SPTA1: variants seen among roughly 807,000 people sequenced by gnomAD.
SPTA1 encodes spectrin alpha chain, erythrocytic 1.
Under a neutral mutation model 324.7 loss-of-function variants are expected in SPTA1, and 177 were observed. The ratio of observed to expected loss-of-function variants is 0.55; its 90% CI spans 0.48 to 0.62. The LOEUF is 0.62. SPTA1 is among the 20% of genes least tolerant of loss of function. The pLI, the probability that SPTA1 is intolerant of heterozygous loss-of-function variation, is 0.00. For missense variants in SPTA1, 3,162 were observed against 2,883.6 expected (o/e 1.10, Z -2.21); for synonymous variants, 1,195 against 1,041.3 (o/e 1.15, Z -2.84).
chr1:158,611,102 C>T lies in SPTA1; in HGVS notation c.*162G>A. On this transcript the variant is annotated 3_prime_UTR_variant, in exon 52 of 52. Coordinates refer to ENST00000643759, the MANE Select transcript of SPTA1 (RefSeq NM_003126.4). ...ACCCTTGAGATTTTTTAAGATCCTA[C>T]AATAAATGTAATATGCACACAAACA... The T allele has an allele frequency of 4.2e-6, 4 of 944,800 alleles. No homozygotes were observed. The Admixed American group carries it at 6.6e-5, about 16-fold the overall frequency. The allele number at this position is 944,800 out of a possible 1,614,324, so 58.5% of individuals were successfully genotyped here. A position where few individuals can be genotyped will look rare whatever the true frequency, so the allele number is the denominator to read the frequency against.
intron 20 of SPTA1, 123 bp from the exon 21 acceptor site, chr1:158,654,871 C>G: frequency 2.3e-6 from 3 of 1,323,874 alleles, no homozygotes; most frequent in Non-Finnish European, 3.2e-6. Context: ...GAACCTCTTA[C>G]GTGGCTGCAG....
Position 158,615,356 on chromosome 1 carries a change from A to T in SPTA1, c.6648T>A (p.Ile2216=), listed in dbSNP as rs369112261. ...IQAMKRQLTK[I]VDLGDNLEDA... ...CTTCCAAGTTGTCCCCCAGGTCCAC[A>T]ATCTTGGTTAGTTGACGCTTCATCG... Residue 2216 remains isoleucine (I), a synonymous_variant, in exon 48 of 52, where the codon ATT becomes ATA. Coordinates refer to ENST00000643759, the MANE Select transcript of SPTA1 (RefSeq NM_003126.4). 35 of 1,614,084 alleles carry T rather than the reference A, an allele frequency of 2.2e-5. No individual in the cohort carries two copies. The African/African-American group carries it at 3.9e-4, about 18-fold the overall frequency.
chr1:158,614,247 A>G lies in SPTA1; in HGVS notation c.6842+6T>C. The G allele has an allele frequency of 6.4e-7, 1 of 1,573,714 alleles. No individual in the cohort carries two copies. The highest frequency in any genetic ancestry group is 8.7e-7 in the Non-Finnish European group (1 of 1,143,860). On this transcript the variant is annotated splice_donor_region_variant and intron_variant, in intron 49 of 51. Coordinates refer to ENST00000643759, the MANE Select transcript of SPTA1 (RefSeq NM_003126.4). ...AAGAAGCAGTTAACTATGAAATTATACTCACTTATAGATTGTGCTAAATTC... is the reference window on the plus strand; with the variant it reads ...AAGAAGCAGTTAACTATGAAATTATGCTCACTTATAGATTGTGCTAAATTC...
Position 158,645,343 on chromosome 1 carries a change from C to T in SPTA1, c.4039G>A (p.Ala1347Thr). ...AGTTCTGCACTGAAGTCCTCTAAGGCCTGGAAGGTGGGAGCCTCTGCCTCC... is the reference window on the plus strand; with the variant it reads ...AGTTCTGCACTGAAGTCCTCTAAGGTCTGGAAGGTGGGAGCCTCTGCCTCC... ...DMEAEAPTFQ[A>T]LEDFSAELID... is the part of the protein sequence containing the mutation. The change falls in exon 29 of 52, where the codon GCC becomes ACC. Residue 1347 changes from alanine (A) to threonine (T), a missense_variant. Transcript: ENST00000643759. The T allele has an allele frequency of 2.5e-6, 4 of 1,614,008 alleles. No individual in the cohort carries two copies. The highest frequency in any genetic ancestry group is 3.4e-6 in the Non-Finnish European group (4 of 1,179,956).
intron 21 of SPTA1, 96 bp from the exon 22 acceptor site, chr1:158,653,521 T>A (rs775680514): frequency 1.1e-4 from 173 of 1,545,300 alleles, no homozygotes; most frequent in Non-Finnish European, 1.5e-4. Context: ...CAGGCACAGG[T>A]TAATGGCAAA....
At chr1:158,619,397 T>C in intron 44 of SPTA1, 63 bp from the exon 45 acceptor site, 1 of 1,535,538 alleles carries the variant, frequency 6.5e-7, no homozygotes, top group Non-Finnish European at 9.0e-7. Context: ...CATAAGAGAA[T>C]TGGTTTGTAG....
intron 17 of SPTA1, among the ~76,000 whole-genome samples, chr1:158,662,008 C>T (rs2101890556): frequency 6.6e-6 from 1 of 152,310 alleles, no homozygotes; most frequent in Non-Finnish European, 1.5e-5. Flanking sequence ...GTATCCTAAC[C>T]ATGCTTTATC....
Position 158,644,234 on chromosome 1 carries a change from C to T in SPTA1, c.4338+19G>A, listed in dbSNP as rs780158894. The T allele has an allele frequency of 6.2e-7, 1 of 1,613,120 alleles. No homozygotes were observed. Among genetic ancestry groups the T allele is most frequent in the African/African-American group, 1.3e-5 (1 of 74,808 alleles). ...TTACTACGGATTATTATTTTAATTCCTTTACTAGTCATTATTACCTGGGCA... is the reference window on the plus strand; with the variant it reads ...TTACTACGGATTATTATTTTAATTCTTTTACTAGTCATTATTACCTGGGCA... On this transcript the variant is annotated intron_variant, in intron 30 of 51. Transcript: ENST00000643759.
Position 158,620,266 on chromosome 1 carries a change from C to G in SPTA1, c.6321G>C (p.Gln2107His). 1.2e-6 allele frequency: 2 copies of G among 1,614,144 alleles called. No homozygotes were observed. The highest frequency in any genetic ancestry group is 3.3e-4 in the Middle Eastern group (2 of 6,022). ...ADFKCLLELD[Q>H]QIKALGVPSS... ...AAGGCACACCTAAGGCCTTAATCTG[C>G]TGGTCTAGCTCCAGCAAACATTTAA... Residue 2107 changes from glutamine (Q) to histidine (H), a missense_variant, in exon 44 of 52, where the codon CAG becomes CAC. Gln to His is a conservative substitution (Grantham distance 24). Coordinates refer to ENST00000643759, the MANE Select transcript of SPTA1 (RefSeq NM_003126.4).
intron 43 of SPTA1, 143 bp downstream of exon 43, chr1:158,622,840 C>T (rs1367497657): frequency 1.2e-6 from 1 of 810,290 alleles, no homozygotes; most frequent in East Asian, 2.5e-5. Context: ...ACTTTTTGCT[C>T]AGTAAGAATG....
At position 158,685,158 on chromosome 1, in the gene SPTA1, T is replaced by C. The variant is rs770613744; in HGVS notation, c.214A>G (p.Lys72Glu). 4.3e-6 allele frequency: 7 copies of C among 1,613,766 alleles called. No individual in the cohort carries two copies. The highest frequency in any genetic ancestry group is 5.9e-6 in the Non-Finnish European group (7 of 1,179,840). Reference sequence around the variant, plus strand: ...CTCTTATCGGTTAAGATATTGACTTTCTCCATGATCCACTTCCCCAGATCA... The same window carrying C: ...CTCTTATCGGTTAAGATATTGACTTCCTCCATGATCCACTTCCCCAGATCA... ...ADDLGKWIMEKVNILTDKSYE... is the reference protein window; with the variant it reads ...ADDLGKWIMEEVNILTDKSYE... The change falls in exon 2 of 52, where the codon AAA (lysine) becomes GAA (glutamate). Residue 72 changes from lysine to glutamate, a missense_variant. Lys to Glu is a moderately conservative substitution (Grantham distance 56). Coordinates refer to ENST00000643759, the MANE Select transcript of SPTA1 (RefSeq NM_003126.4).
intron 39 of SPTA1, among the ~76,000 whole-genome samples, chr1:158,630,050 T>A (rs1320481993): frequency 1.3e-5 from 2 of 152,014 alleles, no homozygotes; most frequent in Non-Finnish European, 2.9e-5. Flanking sequence ...GAAGATTTAA[T>A]ATTGTTAAAA....
At chr1:158,673,022 T>G (rs1654137710) in intron 10 of SPTA1, among the ~76,000 whole-genome samples, 1 of 152,034 alleles carries the variant, frequency 6.6e-6, no homozygotes, top group African/African-American at 2.4e-5. Flanking sequence ...TTCAGGAGGC[T>G]GAGGCAGGAG....
chr1:158,620,488 A>G (rs564307263), intron 43 of SPTA1, 22 bp from the exon 44 acceptor site: 1 of 1,612,168 alleles, frequency 6.2e-7, no homozygotes, highest in Admixed American at 1.7e-5. Flanking sequence ...AAAAAAAGAC[A>G]CTACCATCTT....
In SPTA1 at chr1:158,686,548, A is replaced by G. The variant is rs751387666; in HGVS notation, c.-31T>C. ...CTAAAGGTTTAGAACCTGGCAAGAT[A>G]AAATGTGTCAGAGAGAGAGAGAGAG... On this transcript the variant is annotated 5_prime_UTR_variant, in exon 1 of 52. Coordinates refer to ENST00000643759, the MANE Select transcript of SPTA1 (RefSeq NM_003126.4). 4 of 1,513,782 alleles carry G rather than the reference A, an allele frequency of 2.6e-6. No individual in the cohort carries two copies. The highest frequency in any genetic ancestry group is 2.7e-6 in the Non-Finnish European group (3 of 1,122,538). The allele number at this position is 1,513,782 out of a possible 1,614,324, so 93.8% of individuals were successfully genotyped here.
intron 1 of SPTA1, 122 bp downstream of exon 1, chr1:158,686,368 TTATC>T: frequency 1.4e-6 from 1 of 732,006 alleles, no homozygotes; most frequent in Non-Finnish European, 2.4e-6. Context: ...AAAAGTAAAA[TTATC>T]TATTTGTTAA....
intron 26 of SPTA1, 143 bp from the exon 27 acceptor site, chr1:158,647,863 T>A (rs566445907): frequency 3.4e-5 from 30 of 888,342 alleles, no homozygotes; most frequent in Non-Finnish European, 4.6e-5. Flanking sequence ...CAAAATAATA[T>A]CAACCTTTTA....
At chr1:158,620,807 A>C in intron 43 of SPTA1, 1 of 182,642 alleles carries the variant, frequency 5.5e-6, no homozygotes, top group Non-Finnish European at 1.1e-5. Context: ...TCTAAAGTCT[A>C]TCCTCCAGTT....
chr1:158,651,926 C>CGT (rs369306747), intron 23 of SPTA1, among the ~76,000 whole-genome samples: 5 of 149,444 alleles, frequency 3.3e-5, no homozygotes, highest in African/African-American at 7.5e-5. Context: ...TGTGTGTGCG[C>CGT]GTGTGTGTGT....
Sources: allele counts gnomAD v4.1 joint callset (sites outside exome capture counted in the v4.1 genomes callset), GRCh38; gene constraint gnomAD v4.1.1; transcripts MANE v1.5; gene names NCBI Gene and HGNC (gene_info 2026-07-23, HGNC 2026-07-21).